The following DUSP19 variants were observed in gnomAD, a reference collection of about 807,000 sequenced individuals.
DUSP19 encodes the protein dual specificity phosphatase 19, also known as dual specificity protein phosphatase 19.
A neutral mutation model predicts 16.6 loss-of-function variants in DUSP19; 14 were observed. The ratio of observed to expected loss-of-function variants is 0.84; its 90% CI spans 0.56 to 1.32. The LOEUF is 1.32. Ranked by LOEUF, DUSP19 falls within the 40% of genes most tolerant of loss-of-function variation. The pLI is 0.00. For synonymous variants in DUSP19, 81 were observed against 90.5 expected, an observed-to-expected ratio of 0.90 and a Z score of 0.59; for missense variants, 258 against 255.9, an observed-to-expected ratio of 1.01 and a Z score of -0.06.
At chr2:183,083,088 T>C (rs1699615313) in intron 1 of DUSP19, among the ~76,000 whole-genome samples, 1 of 152,078 alleles carries the variant, frequency 6.6e-6, no homozygotes, top group African/African-American at 2.4e-5. Context: ...ATTTTTTTTC[T>C]ATAGACAGGG....
At chr2:183,081,914 A>G (rs1167805586) in intron 1 of DUSP19, among the ~76,000 whole-genome samples, 3 of 152,234 alleles carry the variant, frequency 2.0e-5, no homozygotes, top group Non-Finnish European at 4.4e-5. Context: ...TATGAAATAG[A>G]ACCTAATTCA....
At chr2:183,095,382 C>T (rs1699784215) in intron 3 of DUSP19, 49 bp from the exon 4 acceptor site, 1 of 1,483,662 alleles carries the variant, frequency 6.7e-7, no homozygotes, top group Admixed American at 2.0e-5. Flanking sequence ...GATATAATAA[C>T]CTTTCTCAAA....
At chr2:183,084,413 C>A (rs1699634194) in intron 2 of DUSP19, among the ~76,000 whole-genome samples, 1 of 147,100 alleles carries the variant, frequency 6.8e-6, no homozygotes, top group African/African-American at 2.6e-5. Context: ...GGCGACAAAG[C>A]AAGACTCTAT....
At chr2:183,084,572 C>G (rs1036588070) in intron 2 of DUSP19, among the ~76,000 whole-genome samples, 2 of 152,016 alleles carry the variant, frequency 1.3e-5, no homozygotes, top group African/African-American at 4.8e-5. Context: ...CACCAAGAGA[C>G]AAGGCCAGAG....
intron 3 of DUSP19, among the ~76,000 whole-genome samples, chr2:183,089,326 A>G (rs1257469359): frequency 1.3e-5 from 2 of 152,170 alleles, no homozygotes; most frequent in Non-Finnish European, 2.9e-5. Context: ...AGGCAGTACA[A>G]AGAAACTGCA....
At chr2:183,086,863 G>C (rs962917432) in intron 2 of DUSP19, among the ~76,000 whole-genome samples, 177 bp from the exon 3 acceptor site, 2 of 151,804 alleles carry the variant, frequency 1.3e-5, no homozygotes, top group East Asian at 1.9e-4. Flanking sequence ...GAGAGAGAGA[G>C]AGAAAACATA....
At chr2:183,081,887 T>TA (rs199715327) in intron 1 of DUSP19, among the ~76,000 whole-genome samples, 7,144 of 144,478 alleles carry the variant, frequency 0.049, 207 homozygotes, top group South Asian at 0.12. Context: ...ATGGGTAACT[T>TA]AAAAAAAAAA....
In DUSP19 at chr2:183,097,006, A is replaced by C. The variant is rs1011256970; in HGVS notation, c.*1348A>C. The C allele has an allele frequency of 6.6e-6, 1 of 151,852 alleles. No homozygotes were observed. Among genetic ancestry groups the C allele is most frequent in the Non-Finnish European group, 1.5e-5 (1 of 67,908 alleles). 9.4% of individuals were successfully genotyped at this position (151,852 alleles called of 1,614,324 possible). A position where few individuals can be genotyped will look rare whatever the true frequency, so the allele number is the denominator to read the frequency against. On this transcript the variant is annotated 3_prime_UTR_variant, in exon 4 of 4. Coordinates refer to ENST00000354221, the MANE Select transcript of DUSP19 (RefSeq NM_080876.4). ...ATGGTATACTTAAAATTAATTAATT[A>C]AGACAGTTTCTTTTTTCTTTTCTTT...
chr2:183,086,058 A>G (rs1291914482), intron 2 of DUSP19, among the ~76,000 whole-genome samples: 1 of 151,658 alleles, frequency 6.6e-6, no homozygotes, highest in African/African-American at 2.4e-5. Flanking sequence ...GCTCAAATAC[A>G]TAGATGCAAG....
chr2:183,093,813 A>G (rs913210148), intron 3 of DUSP19, among the ~76,000 whole-genome samples: 1 of 152,212 alleles, frequency 6.6e-6, no homozygotes, highest in African/African-American at 2.4e-5. Context: ...AGGAAATATT[A>G]AAAGTGACAT....
At chr2:183,094,119 A>T (rs1699767567) in intron 3 of DUSP19, among the ~76,000 whole-genome samples, 1 of 152,198 alleles carries the variant, frequency 6.6e-6, no homozygotes, top group South Asian at 2.1e-4. Flanking sequence ...AAGATGTGAA[A>T]AAAGAAAACA....
Position 183,087,044 on chromosome 2 carries a change from C to G in DUSP19, c.278C>G (p.Thr93Ser). 1 of 1,609,428 alleles carries G rather than the reference C, an allele frequency of 6.2e-7. No individual in the cohort carries two copies. Among genetic ancestry groups the G allele is most frequent in the East Asian group, 2.2e-5 (1 of 44,714 alleles). The change falls in exon 3 of 4, where the codon ACT becomes AGT. Residue 93 changes from threonine (T) to serine (S), a missense_variant. Transcript: ENST00000354221. ...TCTTTTTTCTTTCTCTTTAAGGTGA[C>G]TCATATTCTTAATGTTGCATATGGA... is the stretch of plus-strand genomic sequence containing the variant. ...DLDTLKKNKVTHILNVAYGVE... is the reference protein window; with the variant it reads ...DLDTLKKNKVSHILNVAYGVE...
intron 1 of DUSP19, among the ~76,000 whole-genome samples, chr2:183,080,701 T>C (rs996244832): frequency 4.6e-5 from 7 of 152,174 alleles, no homozygotes; most frequent in African/African-American, 1.7e-4. Flanking sequence ...CTGATCAAGG[T>C]AGTGTTCTGA....
chr2:183,084,700 C>T (rs1323424871), intron 2 of DUSP19, among the ~76,000 whole-genome samples: 1 of 152,112 alleles, frequency 6.6e-6, no homozygotes, highest in African/African-American at 2.4e-5. Context: ...GTAACAAGGT[C>T]AAATTTGCAG....
At chr2:183,093,661 A>G (rs1345388660) in intron 3 of DUSP19, among the ~76,000 whole-genome samples, 2 of 152,240 alleles carry the variant, frequency 1.3e-5, no homozygotes, top group Non-Finnish European at 2.9e-5. Context: ...CAGCTATTAT[A>G]TAAAGTAGAA....
intron 1 of DUSP19, among the ~76,000 whole-genome samples, chr2:183,080,310 A>G (rs1333723930): frequency 6.6e-6 from 1 of 152,234 alleles, no homozygotes; most frequent in Non-Finnish European, 1.5e-5. Context: ...AGGTTGTTGT[A>G]AAAGGTTTTT....
At chr2:183,093,685 A>G (rs75067102) in intron 3 of DUSP19, among the ~76,000 whole-genome samples, 4,045 of 152,306 alleles carry the variant, frequency 0.027, 158 homozygotes, top group African/African-American at 0.09. Context: ...AGAAAATAAT[A>G]TCATTTGAAA....
intron 1 of DUSP19, among the ~76,000 whole-genome samples, chr2:183,082,121 A>G (rs1699599510): frequency 6.6e-6 from 1 of 152,204 alleles, no homozygotes; most frequent in African/African-American, 2.4e-5. Context: ...CTGCAGACCA[A>G]CAGCATTTGC....
chr2:183,086,536 G>A (rs1411900671), intron 2 of DUSP19, among the ~76,000 whole-genome samples: 4 of 151,732 alleles, frequency 2.6e-5, no homozygotes, highest in Non-Finnish European at 5.9e-5. Context: ...GCCAGGTGTG[G>A]TGGCTTATAC....
Sources: gnomAD v4.1 joint callset for allele counts (sites outside exome capture counted in the v4.1 genomes callset) on GRCh38, gnomAD v4.1.1 for gene constraint, MANE v1.5 for transcripts, NCBI Gene and HGNC (gene_info 2026-07-23, HGNC 2026-07-21) for gene names.